COL5A2: variants seen among roughly 807,000 people sequenced by gnomAD.
The protein encoded by COL5A2 is collagen alpha-2(V) chain.
In COL5A2, 23 loss-of-function variants were observed where a neutral mutation model predicts 208.2. The ratio of observed to expected loss-of-function variants is 0.11; its 90% CI spans 0.08 to 0.16. The LOEUF (loss-of-function observed/expected upper bound fraction) is 0.16, where lower values mean the gene tolerates loss of function less well. Ranked by LOEUF, COL5A2 falls within the 10% of genes least tolerant of loss-of-function variation. The pLI is 1.00. For missense variants in COL5A2, 1,590 were observed against 1,956.4 expected (o/e 0.81, Z 3.53); for synonymous variants, 625 against 628.5 (o/e 0.99, Z 0.08).
At chr2:189,173,823 T>A (rs535752149) in intron 1 of COL5A2, among the ~76,000 whole-genome samples, 9 of 152,212 alleles carry the variant, frequency 5.9e-5, no homozygotes, top group Non-Finnish European at 1.3e-4. Flanking sequence ...ATTCCAAGAT[T>A]TGTCTTATAT....
At chr2:189,391,584 T>C in the COL5A2 span, among the ~76,000 whole-genome samples, 1 of 152,098 alleles carries the variant, frequency 6.6e-6, no homozygotes, top group Non-Finnish European at 1.5e-5. Context: ...CTAATAAAAG[T>C]GCTTCCTTCT....
chr2:189,374,117 G>A, the COL5A2 span, among the ~76,000 whole-genome samples: 8 of 151,842 alleles, frequency 5.3e-5, no homozygotes, highest in Admixed American at 5.3e-4. Context: ...ACACAGTGTT[G>A]GTTCAAAGGA....
chr2:189,287,266 T>C, the COL5A2 span, among the ~76,000 whole-genome samples: 3 of 152,092 alleles, frequency 2.0e-5, no homozygotes, highest in African/African-American at 7.2e-5. Context: ...GTAGTTATCA[T>C]TAAAGGTATA....
the COL5A2 span, among the ~76,000 whole-genome samples, chr2:189,315,001 T>C: frequency 6.6e-6 from 1 of 152,140 alleles, no homozygotes. Context: ...CTTCCAAATG[T>C]ACAAAGAAGA....
intron 1 of COL5A2, among the ~76,000 whole-genome samples, chr2:189,223,000 T>C (rs1278109151): frequency 2.6e-5 from 4 of 152,184 alleles, no homozygotes; most frequent in African/African-American, 9.6e-5. Context: ...AATTCATGGA[T>C]AACATTCAAG....
At chr2:189,335,538 A>G in the COL5A2 span, among the ~76,000 whole-genome samples, 1 of 152,130 alleles carries the variant, frequency 6.6e-6, no homozygotes, top group Non-Finnish European at 1.5e-5. Flanking sequence ...GTTGTAGTAG[A>G]CAAAAATGGA....
chr2:189,298,171 A>G, the COL5A2 span, among the ~76,000 whole-genome samples: 1 of 152,134 alleles, frequency 6.6e-6, no homozygotes, highest in African/African-American at 2.4e-5. Context: ...GGTTGAGGGT[A>G]GGGAAAATGG....
At chr2:189,321,661 T>G in the COL5A2 span, among the ~76,000 whole-genome samples, 2 of 152,328 alleles carry the variant, frequency 1.3e-5, no homozygotes, top group South Asian at 2.1e-4. Flanking sequence ...CCCAGCTTCA[T>G]AAAGCAAGTC....
chr2:189,234,690 G>A, the COL5A2 span, among the ~76,000 whole-genome samples: 1,457 of 151,770 alleles, frequency 9.6e-3, 32 homozygotes, highest in African/African-American at 0.032. Context: ...TCTAATTTTA[G>A]CTCCGCTAAT....
intron 1 of COL5A2, among the ~76,000 whole-genome samples, chr2:189,118,900 C>A (rs1212736584): frequency 1.3e-5 from 2 of 151,472 alleles, no homozygotes; most frequent in South Asian, 2.1e-4. Flanking sequence ...TTCTTTCTGG[C>A]ATTCCTTTCC....
At chr2:189,385,746 C>T in the COL5A2 span, among the ~76,000 whole-genome samples, 3 of 151,972 alleles carry the variant, frequency 2.0e-5, no homozygotes, top group Admixed American at 2.0e-4. Flanking sequence ...TTGTGGTAAC[C>T]AAAACAGCAT....
the COL5A2 span, among the ~76,000 whole-genome samples, chr2:189,263,235 C>T: frequency 2.3e-3 from 351 of 152,190 alleles, 1 homozygote; most frequent in Non-Finnish European, 4.5e-3. Context: ...CCATCCTCCA[C>T]CACCAACCTT....
chr2:189,057,108 C>G, intron 34 of COL5A2, 82 bp from the exon 35 acceptor site: 1 of 1,447,018 alleles, frequency 6.9e-7, no homozygotes. Context: ...AGAGTGAAGG[C>G]TAATTGTCAT....
rs758092388 is a variant in COL5A2, at chr2:189,110,428, G to A, written c.119C>T (p.Ala40Val). 3 of 1,613,676 alleles carry A rather than the reference G, an allele frequency of 1.9e-6. No homozygotes were observed. The highest frequency in any genetic ancestry group is 2.2e-5 in the South Asian group (2 of 91,058). ...DEDEGYGEEI[A>V]CTQNGQMYLN... Reference sequence around the variant, plus strand: ...GTACATCTGGCCATTCTGAGTGCAGGCTATTTCTTCACCATATCCTTCTAA... The same window carrying A: ...GTACATCTGGCCATTCTGAGTGCAGACTATTTCTTCACCATATCCTTCTAA... The change falls in exon 2 of 54, where the codon GCC (alanine) becomes GTC (valine). Residue 40 changes from alanine (A) to valine (V), a missense_variant. Transcript: ENST00000374866.
At chr2:189,215,355 T>C (rs1689266453) in intron 1 of COL5A2, among the ~76,000 whole-genome samples, 1 of 152,152 alleles carries the variant, frequency 6.6e-6, no homozygotes, top group Admixed American at 6.5e-5. Context: ...ATTAAGCACT[T>C]GAAAAGTGGC....
At position 189,050,780 on chromosome 2, in the gene COL5A2, AAAG is replaced by A; in HGVS notation, c.2932-107_2932-105del. 8.4e-6 allele frequency: 8 copies of A among 951,276 alleles called. No homozygotes were observed. In the South Asian group the frequency reaches 1.2e-4, roughly 14 times the overall value. 58.9% of individuals were successfully genotyped at this position (951,276 alleles called of 1,614,324 possible). A position where few individuals can be genotyped will look rare whatever the true frequency, so the allele number is the denominator to read the frequency against. On this transcript the variant is annotated intron_variant, in intron 42 of 53. Coordinates refer to ENST00000374866, the MANE Select transcript of COL5A2 (RefSeq NM_000393.5). ...AGCTTTACAGGTTTTTCAGTATGAA[AAAG>A]AAGTTCTCTGTTTCTCAAAATCATA...
chr2:189,087,733 C>T (rs565221292), intron 8 of COL5A2, among the ~76,000 whole-genome samples: 1 of 150,828 alleles, frequency 6.6e-6, no homozygotes, highest in East Asian at 2.0e-4. Context: ...TCCCAAAGTG[C>T]TGGGAGAACA....
chr2:189,373,591 T>C, the COL5A2 span, among the ~76,000 whole-genome samples: 1 of 152,224 alleles, frequency 6.6e-6, no homozygotes, highest in African/African-American at 2.4e-5. Context: ...AGTCACTTTG[T>C]ACCTTTTTTG....
rs576208527 is a variant in COL5A2, at chr2:189,098,391, A to G, written c.402+336T>C. Among the ~76,000 whole-genome samples the G allele has an allele frequency of 2.6e-5, 4 of 152,364 alleles. No individual in the cohort carries two copies. In the East Asian group the frequency reaches 7.7e-4, roughly 29 times the overall value. ...ATTAAGCAGATAAAACTAGCCTACC[A>G]TTAATCATAGTCAAACAACACACAA... is the stretch of plus-strand genomic sequence containing the variant. On this transcript the variant is annotated intron_variant, in intron 5 of 53. Transcript: ENST00000374866.
Sources: allele counts gnomAD v4.1 joint callset (sites outside exome capture counted in the v4.1 genomes callset), GRCh38; gene constraint gnomAD v4.1.1; transcripts MANE v1.5; gene names NCBI Gene and HGNC (gene_info 2026-07-23, HGNC 2026-07-21).